Variants in LARGE1 observed in about 807,000 individuals in gnomAD.
The protein encoded by LARGE1 is xylosyl- and glucuronyltransferase LARGE1.
A neutral mutation model predicts 87.6 loss-of-function variants in LARGE1; 43 were observed. The ratio of observed to expected loss-of-function variants is 0.49; its 90% CI spans 0.38 to 0.63. LARGE1 has a LOEUF of 0.63. Among genes scored for constraint, LARGE1 ranks in the 30% least tolerant of loss-of-function variants. The probability of loss-of-function intolerance (pLI) is 0.00; values close to 1 mark genes in which losing one functional copy is unlikely to be tolerated. For synonymous variants in LARGE1, 434 were observed against 394.6 expected (o/e 1.10, Z -1.18); for missense variants, 802 against 1,000.2 (o/e 0.80, Z 2.67).
chr22:33,141,535 T>C, the LARGE1 span, among the ~76,000 whole-genome samples: 6 of 152,112 alleles, frequency 3.9e-5, no homozygotes, highest in Admixed American at 3.9e-4. Context: ...ATACATATAA[T>C]TTATATCTAT....
downstream of LARGE1, among the ~76,000 whole-genome samples, chr22:33,269,866 G>A (rs561214652): frequency 5.3e-5 from 8 of 152,046 alleles, no homozygotes; most frequent in Middle Eastern, 3.4e-3. Flanking sequence ...TTAGGTGGGC[G>A]TGGTGGCGGG....
At chr22:33,519,235 CGTGTGTGTGTGTGTGT>C in intron 6 of LARGE1, among the ~76,000 whole-genome samples, 1 of 149,646 alleles carries the variant, frequency 6.7e-6, no homozygotes, top group Non-Finnish European at 1.5e-5. Flanking sequence ...CGTGCGCGCG[CGTGTGTGTGTGTGTGT>C]GTGTGTGGTC....
chr22:33,341,410 C>G (rs1939130374), intron 9 of LARGE1, among the ~76,000 whole-genome samples: 1 of 152,168 alleles, frequency 6.6e-6, no homozygotes. Context: ...CTTCTTGTTT[C>G]CCTCCTTTGG....
rs35022342 is a variant in LARGE1, at chr22:33,502,195, T to TA, written c.787+62652dup. On this transcript the variant is annotated intron_variant, in intron 6 of 14. Coordinates refer to ENST00000397394, the MANE Select transcript of LARGE1 (RefSeq NM_133642.5). ...TGGATGGCAGAGTGAGACCCCATCT[T>TA]AAAAAAAAAAAAAAAACTGTAGGAA... is the stretch of plus-strand genomic sequence containing the variant. 2.0e-3 allele frequency among the ~76,000 whole-genome samples: 283 copies of TA among 140,760 alleles called. 1 individual carries two copies. The highest frequency in any genetic ancestry group is 2.9e-3 in the African/African-American group (110 of 37,734). 92.3% of individuals were successfully genotyped at this position (140,760 alleles called of 152,430 possible). A position where few individuals can be genotyped will look rare whatever the true frequency, so the allele number is the denominator to read the frequency against.
chr22:33,740,983 C>G (rs1050643454), intron 2 of LARGE1, among the ~76,000 whole-genome samples: 3 of 152,168 alleles, frequency 2.0e-5, no homozygotes, highest in Non-Finnish European at 4.4e-5. Flanking sequence ...GAAGAGTAGG[C>G]CTTGTGCAGA....
chr22:33,609,823 T>C (rs2079376996), intron 4 of LARGE1, among the ~76,000 whole-genome samples: 2 of 152,178 alleles, frequency 1.3e-5, no homozygotes, highest in Admixed American at 1.3e-4. Context: ...GTGAATTTTC[T>C]CAAGATCTGG....
intron 1 of LARGE1, among the ~76,000 whole-genome samples, chr22:33,789,640 G>A (rs1057350860): frequency 2.0e-5 from 3 of 152,194 alleles, no homozygotes; most frequent in African/African-American, 4.8e-5. Context: ...CTCCATGGGA[G>A]CCCACCTCTT....
intron 1 of LARGE1, among the ~76,000 whole-genome samples, chr22:33,827,632 G>A (rs1337579875): frequency 6.6e-6 from 1 of 152,212 alleles, no homozygotes; most frequent in African/African-American, 2.4e-5. Context: ...GAGCCACAGA[G>A]GGCGTGTGAT....
chr22:33,745,138 A>G (rs1333238103), intron 2 of LARGE1, among the ~76,000 whole-genome samples: 1 of 152,200 alleles, frequency 6.6e-6, no homozygotes, highest in African/African-American at 2.4e-5. Context: ...AAAATATGCA[A>G]TCCAAGGGTC....
At chr22:33,413,075 AG>A (rs1199174935) in intron 7 of LARGE1, among the ~76,000 whole-genome samples, 1 of 152,210 alleles carries the variant, frequency 6.6e-6, no homozygotes, top group Non-Finnish European at 1.5e-5. Flanking sequence ...CTGCATTTCT[AG>A]ACTATTTTTG....
At chr22:33,315,802 G>A (rs921924757) in intron 11 of LARGE1, among the ~76,000 whole-genome samples, 2 of 151,968 alleles carry the variant, frequency 1.3e-5, no homozygotes, top group Admixed American at 6.6e-5. Context: ...GCTAATTTTC[G>A]TATTTTTAGT....
intron 1 of LARGE1, among the ~76,000 whole-genome samples, chr22:33,901,062 G>T (rs574701866): frequency 6.6e-6 from 1 of 152,156 alleles, no homozygotes; most frequent in East Asian, 1.9e-4. Flanking sequence ...AAAAAGGGAG[G>T]GGGGGTTGTT....
rs187159582 is a variant in LARGE1, at chr22:33,165,946, C to G, written c.*817G>C. ...CTATGGCCTGTTTAAGGAAACAAAA[C>G]AGGTACATAGAGGAGAGATTATTAT... On this transcript the variant is annotated 3_prime_UTR_variant, in exon 12 of 12. Coordinates refer to the LARGE1 transcript ENST00000608642. The G allele has an allele frequency of 5.9e-5, 9 of 152,116 alleles. No individual in the cohort carries two copies. The East Asian group carries it at 1.7e-3, about 29-fold the overall frequency. The allele number at this position is 152,116 out of a possible 1,614,324, so 9.4% of individuals were successfully genotyped here. A position where few individuals can be genotyped will look rare whatever the true frequency, so the allele number is the denominator to read the frequency against.
chr22:33,139,971 A>G, the LARGE1 span, among the ~76,000 whole-genome samples: 2 of 152,198 alleles, frequency 1.3e-5, no homozygotes, highest in Non-Finnish European at 2.9e-5. Context: ...ATGATCAGGA[A>G]ACTGGGCTGG....
At chr22:33,555,201 G>T (rs973589030) in intron 6 of LARGE1, among the ~76,000 whole-genome samples, 1 of 152,134 alleles carries the variant, frequency 6.6e-6, no homozygotes, top group Non-Finnish European at 1.5e-5. Flanking sequence ...GTCCACAGAT[G>T]ATGTGCAAAT....
intron 1 of LARGE1, among the ~76,000 whole-genome samples, chr22:33,841,641 C>A (rs1433706344): frequency 1.3e-5 from 2 of 152,178 alleles, no homozygotes; most frequent in Non-Finnish European, 2.9e-5. Context: ...CACCTCTAAG[C>A]CAATTACTAT....
chr22:33,651,223 T>A (rs78852982), intron 2 of LARGE1, among the ~76,000 whole-genome samples: 520 of 17,018 alleles, frequency 0.031, 13 homozygotes, highest in African/African-American at 0.21. Flanking sequence ...CTACTAAAAA[T>A]ACAAAAAAAA....
At chr22:33,229,350 T>G (rs912080034) in intron 11 of LARGE1, among the ~76,000 whole-genome samples, 4 of 152,056 alleles carry the variant, frequency 2.6e-5, no homozygotes, top group African/African-American at 9.6e-5. Flanking sequence ...TCTCACAAAC[T>G]AGAAAAAATT....
chr22:33,395,072 CA>C (rs1189907061), intron 7 of LARGE1, among the ~76,000 whole-genome samples: 5 of 151,630 alleles, frequency 3.3e-5, no homozygotes, highest in Non-Finnish European at 7.4e-5. Flanking sequence ...ACTAAAAATA[CA>C]AAAAAATTAG....
Sources: gnomAD v4.1 joint callset for allele counts (sites outside exome capture counted in the v4.1 genomes callset) on GRCh38, gnomAD v4.1.1 for gene constraint, MANE v1.5 for transcripts, NCBI Gene and HGNC (gene_info 2026-07-23, HGNC 2026-07-21) for gene names.